Variants in FAM83F observed in about 807,000 individuals in gnomAD.
The protein encoded by FAM83F is protein FAM83F.
In FAM83F, 45 loss-of-function variants were observed where a neutral mutation model predicts 42.9. The ratio of observed to expected loss-of-function variants is 1.05; its 90% confidence interval spans 0.83 to 1.35. FAM83F has a LOEUF of 1.35. FAM83F is among the 40% of genes most tolerant of loss of function. FAM83F has a pLI of 0.00. For synonymous variants in FAM83F, 306 were observed against 298.3 expected (o/e 1.03, Z -0.27); for missense variants, 617 against 695.9 (o/e 0.89, Z 1.28).
intron 1 of FAM83F, among the ~76,000 whole-genome samples, chr22:40,003,810 C>T (rs188025152): frequency 1.3e-5 from 2 of 152,258 alleles, no homozygotes; most frequent in East Asian, 1.9e-4. Context: ...AACATATGCA[C>T]GCCGGGGCAC....
rs1309726951 is a variant in FAM83F, at chr22:39,995,806, T to C, written c.489+275T>C. On this transcript the variant is annotated intron_variant, in intron 1 of 4. Transcript: ENST00000333407. The surrounding 1 kb of genome is among the most constrained non-coding windows in gnomAD (Gnocchi z 4.6). ...CTGCTCTGTACTTCTGAAACTTCCC[T>C]GTCCAGCCTTCCTCCCCAGGGAAGA... Among the ~76,000 whole-genome samples, 1 of 152,218 alleles carries C rather than the reference T, an allele frequency of 6.6e-6. No homozygotes were observed. The highest frequency in any genetic ancestry group is 2.4e-5 in the African/African-American group (1 of 41,462).
intron 4 of FAM83F, among the ~76,000 whole-genome samples, chr22:40,024,529 T>A (rs556817768): frequency 6.6e-6 from 1 of 152,284 alleles, no homozygotes; most frequent in African/African-American, 2.4e-5. Flanking sequence ...CCCTGGTAAA[T>A]GTTCAGAACC....
At chr22:40,002,785 T>A (rs1443185319) in intron 1 of FAM83F, among the ~76,000 whole-genome samples, 1 of 152,070 alleles carries the variant, frequency 6.6e-6, no homozygotes, top group Non-Finnish European at 1.5e-5. Flanking sequence ...TTGAGAAGGG[T>A]GAGTGATGCG....
rs1173356916 is a variant in FAM83F, at chr22:40,021,667, C to T, written c.1157C>T (p.Pro386Leu). The T allele has an allele frequency of 6.2e-7, 1 of 1,610,178 alleles. No homozygotes were observed. Among genetic ancestry groups the T allele is most frequent in the African/African-American group, 1.3e-5 (1 of 74,954 alleles). ...KDLVTVEQVL[P>L]PVEPIPLGEL... ...CTGGTTACGGTGGAGCAGGTGCTGC[C>T]CCCCGTGGAGCCCATCCCCTTGGGA... is the stretch of plus-strand genomic sequence containing the variant. Residue 386 changes from proline to leucine, a missense_variant, in exon 4 of 5, where the codon CCC becomes CTC. Pro to Leu is a moderately conservative substitution (Grantham distance 98, BLOSUM62 -3). Transcript: ENST00000333407. The surrounding 1 kb of genome is among the most constrained non-coding windows in gnomAD (Gnocchi z 8.7).
chr22:40,027,802 C>T (rs918323014), intron 4 of FAM83F, among the ~76,000 whole-genome samples: 11 of 152,230 alleles, frequency 7.2e-5, no homozygotes, highest in African/African-American at 2.7e-4. Flanking sequence ...CAGGCTTCTC[C>T]CGGAGGCAGC....
At chr22:39,996,985 T>C (rs1233208789) in intron 1 of FAM83F, among the ~76,000 whole-genome samples, 1 of 152,234 alleles carries the variant, frequency 6.6e-6, no homozygotes, top group African/African-American at 2.4e-5. Context: ...TTATTTAGCA[T>C]TTAATATGTG....
intron 1 of FAM83F, among the ~76,000 whole-genome samples, chr22:40,007,754 T>C (rs1236087211): frequency 6.6e-6 from 1 of 151,918 alleles, no homozygotes. Context: ...CCCCAGGGTA[T>C]GTACATGGGG....
Position 39,995,550 on chromosome 22 carries a change from C to G in FAM83F, c.489+19C>G, listed in dbSNP as rs2145704401. 6.5e-7 allele frequency: 1 copy of G among 1,534,228 alleles called. No individual in the cohort carries two copies. Among genetic ancestry groups the G allele is most frequent in the East Asian group, 2.4e-5 (1 of 40,896 alleles). The stretch of plus-strand genomic sequence containing the variant: ...CCAGAAGGTAGGCCCCCGCCTTCGC[C>G]CCCACACCGCTGGGACCTCGGCCCC... On this transcript the variant is annotated intron_variant, in intron 1 of 4. Coordinates refer to ENST00000333407, the MANE Select transcript of FAM83F (RefSeq NM_138435.4). The surrounding 1 kb of genome is among the most constrained non-coding windows in gnomAD (Gnocchi z 4.6).
chr22:40,022,732 CCT>C (rs2067529702), intron 4 of FAM83F, among the ~76,000 whole-genome samples: 1 of 152,284 alleles, frequency 6.6e-6, no homozygotes, highest in Non-Finnish European at 1.5e-5. Context: ...TCTCTGCATC[CCT>C]GAGTCAGGGG....
At chr22:40,004,267 A>AATTTTATTTTATTTTT (rs1555966848) in intron 1 of FAM83F, among the ~76,000 whole-genome samples, 1 of 133,752 alleles carries the variant, frequency 7.5e-6, no homozygotes, top group Non-Finnish European at 1.6e-5. Flanking sequence ...GCCCTTTTAG[A>AATTTTATTTTATTTTT]ATTTTATTTT....
chr22:40,028,762 T>G (rs2145724206), intron 4 of FAM83F, among the ~76,000 whole-genome samples: 1 of 152,304 alleles, frequency 6.6e-6, no homozygotes, highest in Middle Eastern at 3.4e-3. Flanking sequence ...AGGCAGCGCG[T>G]TCCTCTCTGT....
chr22:40,007,323 G>C (rs1334721019), intron 1 of FAM83F, among the ~76,000 whole-genome samples: 2 of 36 alleles, frequency 0.056, no homozygotes, highest in Non-Finnish European at 0.1. Context: ...CTCCTCCCCT[G>C]TCCTCTCCTT....
rs2067575161 is a variant in FAM83F, at chr22:40,029,567, C to T, written c.*2C>T. 1.2e-6 allele frequency: 2 copies of T among 1,611,636 alleles called. No individual in the cohort carries two copies. Among genetic ancestry groups the T allele is most frequent in the East Asian group, 2.2e-5 (1 of 44,786 alleles). On this transcript the variant is annotated 3_prime_UTR_variant, in exon 5 of 5. Coordinates refer to ENST00000333407, the MANE Select transcript of FAM83F (RefSeq NM_138435.4). Reference sequence around the variant, plus strand: ...CCTAGCAACTGTGTGATTTCCTGAGCTGCGGGATGGTGGTGGGCAGGACGT... The same window carrying T: ...CCTAGCAACTGTGTGATTTCCTGAGTTGCGGGATGGTGGTGGGCAGGACGT...
intron 4 of FAM83F, among the ~76,000 whole-genome samples, chr22:40,027,563 G>A (rs1235452269): frequency 6.6e-6 from 1 of 152,200 alleles, no homozygotes; most frequent in Non-Finnish European, 1.5e-5. Flanking sequence ...CACCTTCCCT[G>A]TTCACCTGAG....
At chr22:40,006,777 G>A (rs117842847) in intron 1 of FAM83F, among the ~76,000 whole-genome samples, 3 of 152,178 alleles carry the variant, frequency 2.0e-5, no homozygotes, top group African/African-American at 7.2e-5. Context: ...CGCTGAGTGG[G>A]CAGGGAAACG....
intron 1 of FAM83F, among the ~76,000 whole-genome samples, chr22:40,007,253 C>T (rs200404976): frequency 2.6e-5 from 3 of 114,482 alleles, no homozygotes; most frequent in Non-Finnish European, 5.5e-5. Context: ...CTCCTCTCCT[C>T]CTCCTTTCCT....
Position 40,021,903 on chromosome 22 carries a change from T to A in FAM83F, c.1393T>A (p.Ser465Thr). Residue 465 changes from serine to threonine, a missense_variant, in exon 4 of 5, where the codon TCT (serine) becomes ACT (threonine). By Grantham distance (58) the Ser-to-Thr change is moderately conservative. Transcript: ENST00000333407. This position sits in a 1 kb window ranked among gnomAD's most constrained non-coding sequence, Gnocchi z 8.7. ...GMASSVSTET[S>T]EVEFLTGKRP... ...GGCCAGCTCTGTCTCCACCGAGACCTCTGAAGTGGAGTTTCTGACGGGGAA... is the reference window on the plus strand; with the variant it reads ...GGCCAGCTCTGTCTCCACCGAGACCACTGAAGTGGAGTTTCTGACGGGGAA... The A allele has an allele frequency of 3.8e-6, 6 of 1,592,642 alleles. No homozygotes were observed. Among genetic ancestry groups the A allele is most frequent in the Non-Finnish European group, 5.1e-6 (6 of 1,168,902 alleles).
intron 1 of FAM83F, among the ~76,000 whole-genome samples, chr22:40,005,708 A>G (rs973375024): frequency 4.6e-5 from 7 of 152,228 alleles, no homozygotes; most frequent in Non-Finnish European, 7.3e-5. Flanking sequence ...CCTGACCTGC[A>G]GGGTCGGAAT....
chr22:40,002,492 T>C (rs998671889), intron 1 of FAM83F, among the ~76,000 whole-genome samples: 2 of 152,162 alleles, frequency 1.3e-5, no homozygotes, highest in Non-Finnish European at 2.9e-5. Context: ...CTTCATGACC[T>C]TCTCTTGAAG....
Sources: allele counts gnomAD v4.1 joint callset (sites outside exome capture counted in the v4.1 genomes callset), GRCh38; gene constraint gnomAD v4.1.1; non-coding constraint Gnocchi (gnomAD v3.1); transcripts MANE v1.5; gene names NCBI Gene and HGNC (gene_info 2026-07-23, HGNC 2026-07-21).